CORO2B: variants seen among roughly 807,000 people sequenced by gnomAD.
CORO2B encodes the protein coronin 2B.
CORO2B carries 26 observed loss-of-function variants against 58.8 expected under a neutral mutation model. The observed-to-expected ratio is 0.44, with a 90% CI of 0.32 to 0.61. The LOEUF is 0.61. Ranked by LOEUF, CORO2B falls within the 20% of genes least tolerant of loss-of-function variation. The pLI, the probability that CORO2B is intolerant of heterozygous loss-of-function variation, is 0.04. For synonymous variants in CORO2B, 242 were observed against 253.8 expected, an observed-to-expected ratio of 0.95 and a Z score of 0.44; for missense variants, 460 against 645.1, an observed-to-expected ratio of 0.71 and a Z score of 3.11.
chr15:68,608,168 C>T (rs1023515171), intron 1 of CORO2B, among the ~76,000 whole-genome samples: 1 of 152,254 alleles, frequency 6.6e-6, no homozygotes, highest in Non-Finnish European at 1.5e-5. Context: ...TTAGGCAACC[C>T]AAACCAGACA....
At chr15:68,681,105 C>T (rs148326471) in intron 2 of CORO2B, among the ~76,000 whole-genome samples, 40 of 149,964 alleles carry the variant, frequency 2.7e-4, no homozygotes, top group East Asian at 1.2e-3. Context: ...CCCAGCTACT[C>T]GCGAACCTGA....
intron 2 of CORO2B, among the ~76,000 whole-genome samples, chr15:68,671,624 C>T (rs1054897434): frequency 6.6e-6 from 1 of 152,194 alleles, no homozygotes; most frequent in Admixed American, 6.5e-5. Context: ...GGGGAATATA[C>T]ACTTCCAAGC....
At chr15:68,584,171 G>A (rs775533925) in intron 1 of CORO2B, among the ~76,000 whole-genome samples, 11 of 152,236 alleles carry the variant, frequency 7.2e-5, no homozygotes, top group Non-Finnish European at 1.2e-4. Context: ...GTGGGCATGA[G>A]CCAGGAGACC....
At chr15:68,531,555 G>GGAAAGAAAGA in the CORO2B span, among the ~76,000 whole-genome samples, 20 of 77,818 alleles carry the variant, frequency 2.6e-4, no homozygotes, top group African/African-American at 9.4e-4. Context: ...AAGGAAGGAA[G>GGAAAGAAAGA]GAAAGAAAGA....
chr15:68,606,508 A>G (rs1458891262), intron 1 of CORO2B, among the ~76,000 whole-genome samples: 2 of 152,200 alleles, frequency 1.3e-5, no homozygotes, highest in Non-Finnish European at 2.9e-5. Flanking sequence ...CCGTCCTGCT[A>G]CACTGAATGG....
intron 1 of CORO2B, among the ~76,000 whole-genome samples, chr15:68,613,287 G>T (rs775892559): frequency 7.9e-5 from 12 of 152,228 alleles, no homozygotes; most frequent in African/African-American, 2.9e-4. Context: ...ATAGAAGAAC[G>T]GGAAATGAGC....
chr15:68,583,706 G>A (rs1051522565), intron 1 of CORO2B, among the ~76,000 whole-genome samples: 1 of 152,184 alleles, frequency 6.6e-6, no homozygotes, highest in African/African-American at 2.4e-5. Context: ...GTTCCCTGAC[G>A]CAGAATCTAG....
At chr15:68,662,030 T>TAAATAAATAAATA (rs60007308) in intron 2 of CORO2B, among the ~76,000 whole-genome samples, 7 of 147,040 alleles carry the variant, frequency 4.8e-5, no homozygotes, top group Admixed American at 1.3e-4. Context: ...ATAAATAAAT[T>TAAATAAATAAATA]AATTAATTAA....
chr15:68,651,763 C>T (rs894908616), intron 2 of CORO2B, among the ~76,000 whole-genome samples: 2 of 152,170 alleles, frequency 1.3e-5, no homozygotes, highest in Non-Finnish European at 2.9e-5. Context: ...ACAGCACCTG[C>T]CCAGGATCCC....
chr15:68,576,173 A>AAAAAAAAAAAAAAAAAAGAAAG (rs1555409381), upstream of CORO2B, among the ~76,000 whole-genome samples: 1 of 103,842 alleles, frequency 9.6e-6, no homozygotes, highest in Non-Finnish European at 1.9e-5. Flanking sequence ...AAAAAAAAAA[A>AAAAAAAAAAAAAAAAAAGAAAG]AAAGAAAGAA....
At chr15:68,715,072 G>T in intron 7 of CORO2B, 143 bp from the exon 8 acceptor site, 1 of 754,250 alleles carries the variant, frequency 1.3e-6, no homozygotes, top group African/African-American at 1.8e-5. Context: ...CACCCACTAG[G>T]AGCCTAGAAG....
intron 2 of CORO2B, among the ~76,000 whole-genome samples, chr15:68,692,880 C>A (rs1163757408): frequency 6.6e-6 from 1 of 151,838 alleles, no homozygotes; most frequent in Non-Finnish European, 1.5e-5. Flanking sequence ...GTGATCCACC[C>A]GTCTCAGCCT....
chr15:68,606,143 G>C (rs1900118073), intron 1 of CORO2B, among the ~76,000 whole-genome samples: 1 of 152,050 alleles, frequency 6.6e-6, no homozygotes, highest in Non-Finnish European at 1.5e-5. Context: ...TACCATGTTA[G>C]GTCAAAGGTG....
At chr15:68,720,348 A>C (rs1893132832) in intron 11 of CORO2B, among the ~76,000 whole-genome samples, 1 of 152,198 alleles carries the variant, frequency 6.6e-6, no homozygotes, top group African/African-American at 2.4e-5. Flanking sequence ...GGCTCATATT[A>C]AGTGCTCAGA....
chr15:68,687,246 C>T (rs1008810054), intron 2 of CORO2B, among the ~76,000 whole-genome samples: 4 of 152,216 alleles, frequency 2.6e-5, no homozygotes, highest in Non-Finnish European at 4.4e-5. Flanking sequence ...AGTGCCGGAA[C>T]CGGGTGTGGA....
At chr15:68,531,869 T>A in the CORO2B span, among the ~76,000 whole-genome samples, 1 of 151,922 alleles carries the variant, frequency 6.6e-6, no homozygotes, top group Non-Finnish European at 1.5e-5. Flanking sequence ...GCAGCTTTGT[T>A]TTTGTCAAAG....
At chr15:68,674,239 G>A (rs1596005652) in intron 2 of CORO2B, among the ~76,000 whole-genome samples, 2 of 152,306 alleles carry the variant, frequency 1.3e-5, no homozygotes, top group East Asian at 1.9e-4. Context: ...CTGCCCTCTG[G>A]CTAGGCGAGG....
intron 1 of CORO2B, among the ~76,000 whole-genome samples, chr15:68,616,316 A>G (rs970361703): frequency 2.6e-5 from 4 of 152,238 alleles, no homozygotes; most frequent in East Asian, 1.9e-4. Context: ...CAGGAAATGT[A>G]TAGCTTTAAA....
intron 1 of CORO2B, among the ~76,000 whole-genome samples, chr15:68,615,294 C>A (rs1900328385): frequency 6.6e-6 from 1 of 152,166 alleles, no homozygotes; most frequent in African/African-American, 2.4e-5. Flanking sequence ...CCTTTCTAAT[C>A]AAAGTGGACA....
Sources: allele counts gnomAD v4.1 joint callset (sites outside exome capture counted in the v4.1 genomes callset), GRCh38; gene constraint gnomAD v4.1.1; transcripts MANE v1.5; gene names NCBI Gene and HGNC (gene_info 2026-07-23, HGNC 2026-07-21).